Variants in HADHA observed in about 807,000 individuals in gnomAD.
The protein encoded by HADHA is hydroxyacyl-CoA dehydrogenase trifunctional multienzyme complex subunit alpha, also known as trifunctional enzyme subunit alpha, mitochondrial.
In HADHA, 59 loss-of-function variants were observed where a neutral mutation model predicts 91.3. That is an observed-to-expected ratio of 0.65 (90% confidence interval 0.52 to 0.80). The LOEUF (loss-of-function observed/expected upper bound fraction) is 0.80. HADHA is among the 30% of genes least tolerant of loss of function. The pLI, the probability that HADHA is intolerant of heterozygous loss-of-function variation, is 0.00. For missense variants in HADHA, 800 were observed against 927.6 expected (o/e 0.86, Z 1.79); for synonymous variants, 320 against 338.9 (o/e 0.94, Z 0.61).
At chr2:26,216,488 A>T (rs10194875) in intron 7 of HADHA, among the ~76,000 whole-genome samples, 2,640 of 151,318 alleles carry the variant, frequency 0.017, 89 homozygotes, top group African/African-American at 0.061. Context: ...GCCCAGCTAA[A>T]TTTTCTATTT....
chr2:26,235,282 C>T (rs763164242), intron 4 of HADHA: 3 of 152,202 alleles, frequency 2.0e-5, no homozygotes, highest in African/African-American at 4.8e-5. Flanking sequence ...GTACTCCAGC[C>T]TGGACAGCAG....
rs752186772 is a variant in HADHA, at chr2:26,236,904, C to A, written c.265G>T (p.Val89Phe). ...CAGCCTGGCTTTGATGAGATAAGGA[C>A]GGCACTTCTGATTTGATCACTAGCC... ...IWASDQIRSA[V>F]LISSKPGCFI... Residue 89 changes from valine (V) to phenylalanine (F), a missense_variant, in exon 4 of 20, where the codon GTC (valine) becomes TTC (phenylalanine). Coordinates refer to ENST00000380649, the MANE Select transcript of HADHA (RefSeq NM_000182.5). 6.2e-7 allele frequency: 1 copy of A among 1,611,178 alleles called. No individual in the cohort carries two copies.
chr2:26,226,024 C>T (rs1670477030), intron 7 of HADHA, among the ~76,000 whole-genome samples: 1 of 151,986 alleles, frequency 6.6e-6, no homozygotes, highest in Admixed American at 6.6e-5. Flanking sequence ...AGGTCCATGT[C>T]CAAAAATCTT....
Position 26,231,103 on chromosome 2 carries a change from G to GA in HADHA, c.574-810dup, listed in dbSNP as rs573978955. On this transcript the variant is annotated intron_variant, in intron 6 of 19. Transcript: ENST00000380649. ...CATTCAAATACCAGCTATAGTTTAA[G>GA]AAAAAAAAAAGAAGAAAGAAAGAAA... Among the ~76,000 whole-genome samples the GA allele has an allele frequency of 3.8e-4, 54 of 143,888 alleles. No individual in the cohort carries two copies. In the Middle Eastern group the frequency reaches 0.01, roughly 28 times the overall value. The allele number at this position is 143,888 out of a possible 152,430, so 94.4% of individuals were successfully genotyped here. A position where few individuals can be genotyped will look rare whatever the true frequency, so the allele number is the denominator to read the frequency against.
In HADHA at chr2:26,195,146, A is replaced by G. The variant is rs2147753617; in HGVS notation, c.1566T>C (p.Ser522=). The change falls in exon 15 of 20, where the codon AGT becomes AGC. Residue 522 remains serine, a synonymous_variant. Transcript: ENST00000380649. ...TGAGACCAACTGCTACAGCTGAAGC[A>G]CTGGTGTCTTTGGAAGTTTTCTCGG... is the stretch of plus-strand genomic sequence containing the variant. ...ITTEKTSKDT[S]ASAVAVGLKQ... is the part of the protein sequence containing the mutation. 1 of 1,612,772 alleles carries G rather than the reference A, an allele frequency of 6.2e-7. No homozygotes were observed. The highest frequency in any genetic ancestry group is 1.3e-5 in the African/African-American group (1 of 74,934).
chr2:26,233,108 C>T (rs895344824), intron 5 of HADHA, among the ~76,000 whole-genome samples: 1 of 152,150 alleles, frequency 6.6e-6, no homozygotes, highest in East Asian at 1.9e-4. Context: ...GAATCTAATG[C>T]CACTGTTGAT....
At chr2:26,216,963 A>G (rs1670237175) in intron 7 of HADHA, among the ~76,000 whole-genome samples, 1 of 152,234 alleles carries the variant, frequency 6.6e-6, no homozygotes, top group Non-Finnish European at 1.5e-5. Flanking sequence ...ATAAATAGAC[A>G]CAGATTCAGA....
chr2:26,193,527 TAG>T, intron 17 of HADHA, 48 bp downstream of exon 17: 1 of 1,463,518 alleles, frequency 6.8e-7, no homozygotes, highest in Middle Eastern at 1.7e-4. Flanking sequence ...AGGAACTGCT[TAG>T]AACTTTGTAA....
intron 10 of HADHA, 89 bp downstream of exon 10, chr2:26,212,480 TA>T (rs1164889288): frequency 3.3e-6 from 3 of 921,722 alleles, no homozygotes; most frequent in Non-Finnish European, 5.4e-6. Context: ...AGGCTTTGGA[TA>T]TTTTTTTCCT....
At chr2:26,218,777 G>A (rs576398112) in intron 7 of HADHA, among the ~76,000 whole-genome samples, 1 of 152,066 alleles carries the variant, frequency 6.6e-6, no homozygotes, top group Admixed American at 6.5e-5. Context: ...GGAGGCCAAG[G>A]CAGGCAGATC....
At position 26,214,318 on chromosome 2, in the gene HADHA, ATACTT is replaced by A. The variant is rs1670166972; in HGVS notation, c.918+120_918+124del. Reference sequence around the variant, plus strand: ...TATGCCCTTCCCTTATTTTTGGTAAATACTTTAATAGCAGAATTAAGAAATTTAGT... The same window carrying A: ...TATGCCCTTCCCTTATTTTTGGTAAATAATAGCAGAATTAAGAAATTTAGT... On this transcript the variant is annotated intron_variant, in intron 9 of 19. Coordinates refer to ENST00000380649, the MANE Select transcript of HADHA (RefSeq NM_000182.5). This position sits in a 1 kb window ranked among gnomAD's most constrained non-coding sequence, Gnocchi z 4.1. 3 of 759,898 alleles carry A rather than the reference ATACTT, an allele frequency of 3.9e-6. No homozygotes were observed. Among genetic ancestry groups the A allele is most frequent in the Non-Finnish European group, 7.3e-6 (3 of 412,512 alleles). The allele number at this position is 759,898 out of a possible 1,614,324, so 47.1% of individuals were successfully genotyped here. A position where few individuals can be genotyped will look rare whatever the true frequency, so the allele number is the denominator to read the frequency against.
chr2:26,196,109 T>G lies in HADHA; in HGVS notation c.1480-877A>C, dbSNP rs575692288. Among the ~76,000 whole-genome samples the G allele has an allele frequency of 2.0e-4, 30 of 152,338 alleles. 1 individual carries two copies. In the South Asian group the frequency reaches 5.8e-3, roughly 29 times the overall value. On this transcript the variant is annotated intron_variant, in intron 14 of 19. Transcript: ENST00000380649. Reference sequence around the variant, plus strand: ...ACATTTACCACTTATTCCTTACATTTAATCCATTACAACCCTATGAACTGG... The same window carrying G: ...ACATTTACCACTTATTCCTTACATTGAATCCATTACAACCCTATGAACTGG...
At position 26,209,807 on chromosome 2, in the gene HADHA, T is replaced by A; in HGVS notation, c.1058A>T (p.Lys353Ile). The A allele has an allele frequency of 4.4e-6, 7 of 1,590,624 alleles. No homozygotes were observed. The highest frequency in any genetic ancestry group is 6.0e-6 in the Non-Finnish European group (7 of 1,158,596). The change falls in exon 11 of 20, where the codon AAA (lysine) becomes ATA (isoleucine). Residue 353 changes from lysine to isoleucine, a missense_variant. Coordinates refer to ENST00000380649, the MANE Select transcript of HADHA (RefSeq NM_000182.5). ...AACATCCTTCTGTGGAGCTCCAAAT[T>A]TATTCTTCTTGCACAGGACCTGACC... ...YHGQVLCKKN[K>I]FGAPQKDVKH...
chr2:26,236,180 G>A (rs1275446892), intron 4 of HADHA, among the ~76,000 whole-genome samples: 2 of 151,862 alleles, frequency 1.3e-5, no homozygotes, highest in African/African-American at 2.4e-5. Context: ...TACCTGTTTT[G>A]TAGTATTCTA....
chr2:26,226,204 T>C (rs1337266221), intron 7 of HADHA, among the ~76,000 whole-genome samples: 3 of 152,210 alleles, frequency 2.0e-5, no homozygotes, highest in African/African-American at 7.2e-5. Context: ...AACTTTACCA[T>C]GTTCATGGAT....
At chr2:26,216,414 A>G (rs1670222285) in intron 7 of HADHA, among the ~76,000 whole-genome samples, 1 of 138,004 alleles carries the variant, frequency 7.2e-6, no homozygotes, top group Non-Finnish European at 1.5e-5. Flanking sequence ...TCTGCCTCCC[A>G]GTTTCAAGCG....
chr2:26,243,807 G>A (rs866881282), intron 1 of HADHA, among the ~76,000 whole-genome samples: 1 of 152,202 alleles, frequency 6.6e-6, no homozygotes, highest in Non-Finnish European at 1.5e-5. Context: ...GTTTGAAAAG[G>A]AAAAACACTA....
intron 1 of HADHA, among the ~76,000 whole-genome samples, chr2:26,241,252 A>C (rs1670880416): frequency 6.6e-6 from 1 of 152,202 alleles, no homozygotes; most frequent in Non-Finnish European, 1.5e-5. Context: ...TGGTTGTAAT[A>C]ATCAACAGCT....
At chr2:26,224,869 C>G (rs1670451209) in intron 7 of HADHA, among the ~76,000 whole-genome samples, 1 of 152,094 alleles carries the variant, frequency 6.6e-6, no homozygotes, top group African/African-American at 2.4e-5. Flanking sequence ...GATTAAAGTC[C>G]TATCAGCTGA....
Sources: allele counts gnomAD v4.1 joint callset (sites outside exome capture counted in the v4.1 genomes callset), GRCh38; gene constraint gnomAD v4.1.1; non-coding constraint Gnocchi (gnomAD v3.1); transcripts MANE v1.5; gene names NCBI Gene and HGNC (gene_info 2026-07-23, HGNC 2026-07-21).